CHST15: variants seen among roughly 807,000 people sequenced by gnomAD.
The protein encoded by CHST15 is B cell RAG associated protein (GALNAC4S-6ST).
Under a neutral mutation model 53.6 loss-of-function variants are expected in CHST15, and 30 were observed. That is an observed-to-expected ratio of 0.56 (90% CI 0.42 to 0.76). The LOEUF is 0.76. CHST15 is among the 30% of genes least tolerant of loss of function. The pLI is 0.00. For synonymous variants in CHST15, 296 were observed against 289.8 expected (o/e 1.02, Z -0.22); for missense variants, 627 against 740.5 (o/e 0.85, Z 1.78).
chr10:124,040,611 G>T (rs752439487), intron 4 of CHST15, among the ~76,000 whole-genome samples: 1 of 152,208 alleles, frequency 6.6e-6, no homozygotes, highest in Non-Finnish European at 1.5e-5. Flanking sequence ...AAGAGGAAGC[G>T]CTGGGGCAGA....
chr10:124,029,993 G>A (rs564563655), intron 5 of CHST15, among the ~76,000 whole-genome samples: 3 of 152,190 alleles, frequency 2.0e-5, no homozygotes, highest in Non-Finnish European at 4.4e-5. Context: ...CCTCCTGCTC[G>A]GAACCGTCCT....
Position 124,007,686 on chromosome 10 carries a change from C to T in CHST15, c.*2463G>A. Reference sequence around the variant, plus strand: ...GAAGAGCTTGGCTGCAGAGGAAGAGCACGCGCTCCACAGGCGTCACTCTTA... The same window carrying T: ...GAAGAGCTTGGCTGCAGAGGAAGAGTACGCGCTCCACAGGCGTCACTCTTA... On this transcript the variant is annotated 3_prime_UTR_variant, in exon 8 of 8. Transcript: ENST00000435907. 1 of 1,219,058 alleles carries T rather than the reference C, an allele frequency of 8.2e-7. No homozygotes were observed. The highest frequency in any genetic ancestry group is 1.0e-6 in the Non-Finnish European group (1 of 980,824). 75.5% of individuals were successfully genotyped at this position (1,219,058 alleles called of 1,614,324 possible). A position where few individuals can be genotyped will look rare whatever the true frequency, so the allele number is the denominator to read the frequency against.
intron 1 of CHST15, among the ~76,000 whole-genome samples, chr10:124,087,149 C>T (rs1221956641): frequency 2.6e-5 from 4 of 152,208 alleles, no homozygotes; most frequent in Non-Finnish European, 5.9e-5. Flanking sequence ...ACACCTCTCT[C>T]GACCTCTTAG....
Position 124,024,236 on chromosome 10 carries a change from G to A in CHST15, c.1191-2824C>T, listed in dbSNP as rs949711494. On this transcript the variant is annotated intron_variant, in intron 5 of 7. Coordinates refer to ENST00000435907, the MANE Select transcript of CHST15 (RefSeq NM_001270764.2). The surrounding 1 kb of genome is among the most constrained non-coding windows in gnomAD (Gnocchi z 4.0). Reference sequence around the variant, plus strand: ...TTATAGCAGGGTCTGTTGCAAATGCGCCTTCTCCACTGCCCTCCCCTCTAA... The same window carrying A: ...TTATAGCAGGGTCTGTTGCAAATGCACCTTCTCCACTGCCCTCCCCTCTAA... Among the ~76,000 whole-genome samples, 3 of 152,142 alleles carry A rather than the reference G, an allele frequency of 2.0e-5. No individual in the cohort carries two copies. Among genetic ancestry groups the A allele is most frequent in the East Asian group, 3.9e-4 (2 of 5,188 alleles).
At chr10:124,088,530 C>G (rs1464860739) in intron 1 of CHST15, among the ~76,000 whole-genome samples, 1 of 152,214 alleles carries the variant, frequency 6.6e-6, no homozygotes, top group Non-Finnish European at 1.5e-5. Flanking sequence ...ACGCCGCCTC[C>G]TCCTTCTGGA....
At chr10:124,048,473 C>T (rs897698789) in intron 1 of CHST15, among the ~76,000 whole-genome samples, 4 of 152,184 alleles carry the variant, frequency 2.6e-5, no homozygotes, top group Non-Finnish European at 4.4e-5. Flanking sequence ...GGCCCTACCC[C>T]CATCTCTTAT....
chr10:124,020,960 ATTGCTGGGTG>A, intron 6 of CHST15: 1 of 1,393,816 alleles, frequency 7.2e-7, no homozygotes, highest in South Asian at 1.7e-5. Flanking sequence ...GCCGATTCTA[ATTGCTGGGTG>A]TCTTGCTAAA....
chr10:124,008,004 G>A lies in CHST15; in HGVS notation c.*2145C>T, dbSNP rs1946317515. On this transcript the variant is annotated 3_prime_UTR_variant, in exon 8 of 8. Coordinates refer to ENST00000435907, the MANE Select transcript of CHST15 (RefSeq NM_001270764.2). ...CTCTGGAGAGAAAGGCCCCTGGAGG[G>A]AAAAACCATGTCTGGATGGCATTGA... The A allele has an allele frequency of 9.7e-6, 12 of 1,232,040 alleles. No individual in the cohort carries two copies. The highest frequency in any genetic ancestry group is 1.1e-5 in the Non-Finnish European group (11 of 987,944). The allele number at this position is 1,232,040 out of a possible 1,614,324, so 76.3% of individuals were successfully genotyped here. A position where few individuals can be genotyped will look rare whatever the true frequency, so the allele number is the denominator to read the frequency against.
chr10:124,021,186 C>A, intron 6 of CHST15, 70 bp downstream of exon 6: 1 of 1,383,918 alleles, frequency 7.2e-7, no homozygotes. Flanking sequence ...ATGCCGCTTG[C>A]ATAATAACAA....
At chr10:124,040,627 G>A (rs1947696981) in intron 4 of CHST15, among the ~76,000 whole-genome samples, 1 of 152,200 alleles carries the variant, frequency 6.6e-6, no homozygotes, top group African/African-American at 2.4e-5. Flanking sequence ...GCAGAGCTGA[G>A]TCACATTTCA....
chr10:124,069,367 A>G (rs1373790449), intron 1 of CHST15, among the ~76,000 whole-genome samples: 1 of 141,832 alleles, frequency 7.1e-6, no homozygotes, highest in African/African-American at 2.5e-5. Flanking sequence ...TGTTTGGGGG[A>G]CCCCCCCCCC....
rs559370128 is a variant in CHST15 at position 124,063,910 on chromosome 10, C to T, written c.-512-17186G>A. 1.5e-3 allele frequency among the ~76,000 whole-genome samples: 224 copies of T among 152,320 alleles called. 1 individual carries two copies. Among genetic ancestry groups the T allele is most frequent in the Admixed American group, 2.9e-3 (44 of 15,298 alleles). On this transcript the variant is annotated intron_variant, in intron 1 of 7. Transcript: ENST00000435907. ...TCAGCAATACAGCGTATGAATCAGA[C>T]AGCTGAGCTTCCAGCGTTGTTTTGT...
At chr10:124,085,249 C>A (rs1949380526) in intron 1 of CHST15, among the ~76,000 whole-genome samples, 3 of 152,134 alleles carry the variant, frequency 2.0e-5, no homozygotes, top group Admixed American at 1.3e-4. Context: ...CTATTTATAC[C>A]AGCTATAAGA....
chr10:124,025,411 T>A (rs1159588696), intron 5 of CHST15, among the ~76,000 whole-genome samples: 2 of 152,184 alleles, frequency 1.3e-5, no homozygotes, highest in Non-Finnish European at 2.9e-5. Flanking sequence ...AAGAGACTCC[T>A]TTGGCCTCTC....
intron 1 of CHST15, among the ~76,000 whole-genome samples, chr10:124,054,864 T>C (rs980732275): frequency 3.9e-5 from 6 of 152,152 alleles, no homozygotes; most frequent in Non-Finnish European, 7.3e-5. Context: ...AATTGATATG[T>C]TGATTATTTT....
At chr10:124,060,831 C>T (rs1948548550) in intron 1 of CHST15, among the ~76,000 whole-genome samples, 1 of 152,168 alleles carries the variant, frequency 6.6e-6, no homozygotes, top group African/African-American at 2.4e-5. Flanking sequence ...GCTGTCGGGG[C>T]CAGCCTGGGA....
intron 3 of CHST15, among the ~76,000 whole-genome samples, chr10:124,044,331 G>T (rs1947874110): frequency 6.6e-6 from 1 of 152,316 alleles, no homozygotes; most frequent in African/African-American, 2.4e-5. Context: ...CGGGCTTTCG[G>T]AACAAGAAGA....
chr10:124,038,513 A>G lies in CHST15; in HGVS notation c.1190+2T>C. The G allele has an allele frequency of 1.2e-6, 2 of 1,613,582 alleles. No individual in the cohort carries two copies. The highest frequency in any genetic ancestry group is 1.7e-6 in the Non-Finnish European group (2 of 1,179,520). ...CAAATACAACACACAGAAACTGCTC[A>G]CCTCTCCACAGGGTCCCTGAGCATG... is the stretch of plus-strand genomic sequence containing the variant. On this transcript the variant is annotated splice_donor_variant, in intron 5 of 7. Coordinates refer to ENST00000435907, the MANE Select transcript of CHST15 (RefSeq NM_001270764.2). LOFTEE classifies it high-confidence loss of function.
intron 5 of CHST15, among the ~76,000 whole-genome samples, chr10:124,023,012 G>T (rs1760429722): frequency 1.3e-5 from 2 of 151,796 alleles, no homozygotes; most frequent in East Asian, 2.0e-4. Context: ...TAGAGATGGG[G>T]TTTCACCATG....
Sources: allele counts gnomAD v4.1 joint callset (sites outside exome capture counted in the v4.1 genomes callset), GRCh38; gene constraint gnomAD v4.1.1; non-coding constraint Gnocchi (gnomAD v3.1); transcripts MANE v1.5; gene names NCBI Gene and HGNC (gene_info 2026-07-23, HGNC 2026-07-21).